The following IZUMO1 variants were observed in gnomAD, a reference collection of about 807,000 sequenced individuals.
IZUMO1 encodes the protein izumo sperm-oocyte fusion 1, also known as izumo sperm-egg fusion protein 1.
IZUMO1 carries 44 observed loss-of-function variants against 40.7 expected under a neutral mutation model. The observed-to-expected ratio is 1.08, with a 90% CI of 0.85 to 1.39. The LOEUF (loss-of-function observed/expected upper bound fraction) is 1.39. IZUMO1 is among the 40% of genes most tolerant of loss of function. The pLI is 0.00. For missense variants in IZUMO1, 368 were observed against 436.9 expected, an observed-to-expected ratio of 0.84 and a Z score of 1.41; for synonymous variants, 149 against 170.9, an observed-to-expected ratio of 0.87 and a Z score of 1.00.
At position 48,742,320 on chromosome 19, in the gene IZUMO1, G is replaced by A. The variant is rs2033727113; in HGVS notation, c.500-11C>T. 6.3e-7 allele frequency: 1 copy of A among 1,580,930 alleles called. No individual in the cohort carries two copies. Among genetic ancestry groups the A allele is most frequent in the Non-Finnish European group, 8.7e-7 (1 of 1,149,860 alleles). On this transcript the variant is annotated splice_polypyrimidine_tract_variant and intron_variant, in intron 6 of 9. Transcript: ENST00000332955. ...CTTCCACATTCCGCTCTGGGGGTGGGGGATGACCATGGGACACTCATGATT... is the reference window on the plus strand; with the variant it reads ...CTTCCACATTCCGCTCTGGGGGTGGAGGATGACCATGGGACACTCATGATT...
chr19:48,743,121 G>A (rs838148), intron 6 of IZUMO1: 46,292 of 341,530 alleles, frequency 0.14, 4,588 homozygotes, highest in African/African-American at 0.31. Context: ...CCAACTCCTG[G>A]GTCCAAGCAA....
chr19:48,745,786 C>T lies in IZUMO1; in HGVS notation c.74G>A (p.Cys25Tyr). Reference sequence around the variant, plus strand: ...TAGCGCCAGCACGACAGACGGGTCACATATAACACACCCCTCGGCAGGAAG... The same window carrying T: ...TAGCGCCAGCACGACAGACGGGTCATATATAACACACCCCTCGGCAGGAAG... Reference protein sequence around the residue: ...CLLPAEGCVICDPSVVLALKS... With the variant: ...CLLPAEGCVIYDPSVVLALKS... The change falls in exon 2 of 10, where the codon TGT becomes TAT. Residue 25 changes from cysteine to tyrosine, a missense_variant. Coordinates refer to ENST00000332955, the MANE Select transcript of IZUMO1 (RefSeq NM_182575.3). 2.5e-6 allele frequency: 4 copies of T among 1,614,220 alleles called. No individual in the cohort carries two copies. The highest frequency in any genetic ancestry group is 3.4e-6 in the Non-Finnish European group (4 of 1,180,052).
rs1018443376 is a variant in IZUMO1 at position 48,740,878 on chromosome 19, A to T, written c.*30T>A. ...AGAATCAGTCCCGTCCCGGGGAGTG[A>T]GTCAGATGCTTAGACAACAAGATAA... On this transcript the variant is annotated 3_prime_UTR_variant, in exon 10 of 10. Coordinates refer to ENST00000332955, the MANE Select transcript of IZUMO1 (RefSeq NM_182575.3). The surrounding 1 kb of genome is among the most constrained non-coding windows in gnomAD (Gnocchi z 5.5). 5.6e-6 allele frequency: 9 copies of T among 1,613,904 alleles called. No homozygotes were observed. The highest frequency in any genetic ancestry group is 7.6e-6 in the Non-Finnish European group (9 of 1,179,858).
Position 48,745,810 on chromosome 19 carries a change from A to G in IZUMO1, c.50T>C (p.Leu17Pro). The stretch of plus-strand genomic sequence containing the variant: ...ACATATAACACACCCCTCGGCAGGA[A>G]GCAAGCAACCGGCCAGCGCCGCACA... ...LLCAALAGCLLPAEGCVICDP... is the reference protein window; with the variant it reads ...LLCAALAGCLPPAEGCVICDP... The change falls in exon 2 of 10, where the codon CTT becomes CCT. Residue 17 changes from leucine to proline, a missense_variant. Leu to Pro is a moderately conservative substitution (Grantham distance 98). Transcript: ENST00000332955. The G allele has an allele frequency of 6.2e-7, 1 of 1,614,242 alleles. No homozygotes were observed. The highest frequency in any genetic ancestry group is 8.5e-7 in the Non-Finnish European group (1 of 1,180,046).
At chr19:48,743,955 C>CA (rs1360421545) in intron 5 of IZUMO1, 2 of 573,312 alleles carry the variant, frequency 3.5e-6, no homozygotes, top group African/African-American at 3.7e-5. Flanking sequence ...CGTGCCACTG[C>CA]ACTCCAGCCT....
intron 5 of IZUMO1, chr19:48,743,815 AC>A (rs1195341419): frequency 6.1e-6 from 3 of 491,938 alleles, no homozygotes; most frequent in Non-Finnish European, 1.1e-5. Context: ...ACATGGTGAA[AC>A]CCCGTCTCTG....
Position 48,741,800 on chromosome 19 carries a change from A to C in IZUMO1, c.743T>G (p.Phe248Cys). 6.3e-7 allele frequency: 1 copy of C among 1,589,914 alleles called. No homozygotes were observed. Among genetic ancestry groups the C allele is most frequent in the Non-Finnish European group, 8.6e-7 (1 of 1,163,480 alleles). ...CCCACAGCACTGACCTGTGACGTGA[A>C]AATTGATGATCGTGGCTGGGCTGGA... is the stretch of plus-strand genomic sequence containing the variant. Reference protein sequence around the residue: ...VNSSPATIINFHVTVLPKMIK... With the variant: ...VNSSPATIINCHVTVLPKMIK... The change falls in exon 8 of 10, where the codon TTT (phenylalanine) becomes TGT (cysteine). Residue 248 changes from phenylalanine (F) to cysteine (C), a missense_variant. Coordinates refer to ENST00000332955, the MANE Select transcript of IZUMO1 (RefSeq NM_182575.3). This position sits in a 1 kb window ranked among gnomAD's most constrained non-coding sequence, Gnocchi z 4.4.
At chr19:48,742,796 T>G (rs926889155) in intron 6 of IZUMO1, among the ~76,000 whole-genome samples, 3 of 149,632 alleles carry the variant, frequency 2.0e-5, no homozygotes, top group Admixed American at 6.7e-5. Flanking sequence ...GGCGCGATCT[T>G]ATCTCACTAC....
In IZUMO1 at chr19:48,745,236, G is replaced by A; in HGVS notation, c.288C>T (p.Arg96=). The change falls in exon 3 of 10, where the codon CGC becomes CGT. Residue 96 remains arginine (R), a synonymous_variant. Coordinates refer to ENST00000332955, the MANE Select transcript of IZUMO1 (RefSeq NM_182575.3). ...TACCTTTTACATCACTGTCTGTGATGCGTTTCAGATCCTTCAGCAAACTCC... is the reference window on the plus strand; with the variant it reads ...TACCTTTTACATCACTGTCTGTGATACGTTTCAGATCCTTCAGCAAACTCC... ...GSWSLLKDLK[R]ITDSDVKGDL... The A allele has an allele frequency of 6.2e-7, 1 of 1,613,938 alleles. No homozygotes were observed. Among genetic ancestry groups the A allele is most frequent in the South Asian group, 1.1e-5 (1 of 91,070 alleles).
intron 5 of IZUMO1, 167 bp from the exon 6 acceptor site, chr19:48,743,692 A>G (rs759395752): frequency 1.6e-6 from 1 of 631,854 alleles, no homozygotes; most frequent in Non-Finnish European, 2.8e-6. Context: ...AACAAGGCTC[A>G]GTAAAGATTG....
chr19:48,742,809 C>A (rs1004077979), intron 6 of IZUMO1, among the ~76,000 whole-genome samples: 1 of 141,922 alleles, frequency 7.0e-6, no homozygotes, highest in Non-Finnish European at 1.5e-5. Flanking sequence ...CTCACTACAA[C>A]CTTCGCCTCC....
At chr19:48,743,209 G>T in intron 6 of IZUMO1, 1 of 533,384 alleles carries the variant, frequency 1.9e-6, no homozygotes, top group Non-Finnish European at 3.4e-6. Context: ...AAATTTTTTT[G>T]TAGAGATAGA....
intron 1 of IZUMO1, 167 bp from the exon 2 acceptor site, chr19:48,746,099 A>T (rs1473441513): frequency 1.5e-5 from 20 of 1,377,720 alleles, no homozygotes; most frequent in Non-Finnish European, 1.9e-5. Flanking sequence ...AATCCAGGGG[A>T]CCCAAAATTT....
rs372951604 is a variant in IZUMO1 at position 48,743,465 on chromosome 19, C to T, written c.479G>A (p.Arg160Gln). Residue 160 changes from arginine to glutamine, a missense_variant, in exon 6 of 10, where the codon CGA becomes CAA. Coordinates refer to ENST00000332955, the MANE Select transcript of IZUMO1 (RefSeq NM_182575.3). ...CTCACCCCCGCAATCGTAGGACTTT[C>T]GACAAGCGTGAACCTCCTTTTTGCA... ...KNCKKEVHAC[R>Q]KSYDCGERNV... is the part of the protein sequence containing the mutation. 2.5e-5 allele frequency: 41 copies of T among 1,614,156 alleles called. 1 individual carries two copies. In the East Asian group the frequency reaches 6.2e-4, roughly 25 times the overall value.
rs370695018 is a variant in IZUMO1 at position 48,745,771 on chromosome 19, A to G, written c.89T>C (p.Val30Ala). 7.4e-6 allele frequency: 12 copies of G among 1,614,180 alleles called. No homozygotes were observed. The highest frequency in any genetic ancestry group is 1.0e-5 in the Non-Finnish European group (12 of 1,180,042). Residue 30 changes from valine (V) to alanine (A), a missense_variant, in exon 2 of 10, where the codon GTG becomes GCG. Val to Ala is a moderately conservative substitution (Grantham distance 64, BLOSUM62 0). Coordinates refer to ENST00000332955, the MANE Select transcript of IZUMO1 (RefSeq NM_182575.3). The stretch of plus-strand genomic sequence containing the variant: ...TTTCTCCAGGGACTTTAGCGCCAGC[A>G]CGACAGACGGGTCACATATAACACA... ...EGCVICDPSV[V>A]LALKSLEKDY...
chr19:48,746,787 C>A lies in IZUMO1; in HGVS notation c.-426G>T. 3 of 985,340 alleles carry A rather than the reference C, an allele frequency of 3.0e-6. No homozygotes were observed. Among genetic ancestry groups the A allele is most frequent in the Non-Finnish European group, 3.6e-6 (3 of 829,916 alleles). The allele number at this position is 985,340 out of a possible 1,614,324, so 61.0% of individuals were successfully genotyped here. On this transcript the variant is annotated 5_prime_UTR_variant, in exon 1 of 10. Transcript: ENST00000332955. Reference sequence around the variant, plus strand: ...TTGGGGACGAGGGTAAGGTTGGTTGCGTGAAATCGAGAGCTTTTCGACGGG... The same window carrying A: ...TTGGGGACGAGGGTAAGGTTGGTTGAGTGAAATCGAGAGCTTTTCGACGGG...
intron 6 of IZUMO1, chr19:48,743,219 A>T: frequency 1.8e-6 from 1 of 559,826 alleles, no homozygotes; most frequent in East Asian, 3.0e-5. Context: ...GTAGAGATAG[A>T]GTCTCGCTAT....
chr19:48,743,067 C>T (rs2033768216), intron 6 of IZUMO1: 1 of 177,208 alleles, frequency 5.6e-6, no homozygotes, highest in Non-Finnish European at 1.2e-5. Flanking sequence ...CACTCTTTTG[C>T]CTGGGCTGGA....
chr19:48,742,504 C>T (rs941606882), intron 6 of IZUMO1, among the ~76,000 whole-genome samples, 195 bp from the exon 7 acceptor site: 2 of 151,772 alleles, frequency 1.3e-5, no homozygotes, highest in African/African-American at 2.4e-5. Flanking sequence ...CTTGCCACCA[C>T]GCCTGGCTAA....
Sources: gnomAD v4.1 joint callset for allele counts (sites outside exome capture counted in the v4.1 genomes callset) on GRCh38, gnomAD v4.1.1 for gene constraint, Gnocchi (gnomAD v3.1) non-coding constraint, MANE v1.5 for transcripts, NCBI Gene and HGNC (gene_info 2026-07-23, HGNC 2026-07-21) for gene names.